Variants in NTM observed in about 807,000 individuals in gnomAD.
NTM encodes IgLON family member 2.
Under a neutral mutation model 42.1 loss-of-function variants are expected in NTM, and 13 were observed. The ratio of observed to expected loss-of-function variants is 0.31; its 90% CI spans 0.20 to 0.49. The LOEUF (loss-of-function observed/expected upper bound fraction) is 0.49. Among genes scored for constraint, NTM ranks in the 20% least tolerant of loss-of-function variants. NTM has a pLI of 0.99. For missense variants in NTM, 373 were observed against 452.8 expected (o/e 0.82, Z 1.60); for synonymous variants, 187 against 179.2 (o/e 1.04, Z -0.35).
At chr11:132,297,018 C>G (rs2094636528) in intron 4 of NTM, among the ~76,000 whole-genome samples, 1 of 152,180 alleles carries the variant, frequency 6.6e-6, no homozygotes, top group Non-Finnish European at 1.5e-5. Context: ...AGTCATGTCT[C>G]CCTTTCTCCT....
intron 1 of NTM, among the ~76,000 whole-genome samples, chr11:131,543,789 T>C (rs1451572107): frequency 6.6e-6 from 1 of 152,138 alleles, no homozygotes; most frequent in East Asian, 1.9e-4. Context: ...GGTAAACGAG[T>C]CCCAGTCTAG....
intron 1 of NTM, among the ~76,000 whole-genome samples, chr11:131,615,695 C>T (rs1452016466): frequency 6.6e-6 from 1 of 152,170 alleles, no homozygotes; most frequent in Non-Finnish European, 1.5e-5. Flanking sequence ...TGAACAGGGG[C>T]CTCTGTTGTG....
At chr11:132,159,466 C>A (rs574606901) in intron 3 of NTM, among the ~76,000 whole-genome samples, 2 of 152,136 alleles carry the variant, frequency 1.3e-5, no homozygotes. Context: ...CTGGGAATAT[C>A]GCCTTTGGAT....
chr11:131,396,331 C>T (rs1944549182), intron 1 of NTM, among the ~76,000 whole-genome samples: 1 of 152,100 alleles, frequency 6.6e-6, no homozygotes. Context: ...GATCTCAGTG[C>T]CAGGCGTAGT....
rs558832591 is a variant in NTM, at chr11:131,621,194, C to T, written c.82+250306C>T. 5.9e-5 allele frequency among the ~76,000 whole-genome samples: 9 copies of T among 152,312 alleles called. No individual in the cohort carries two copies. In the South Asian group the frequency reaches 1.0e-3, roughly 18 times the overall value. On this transcript the variant is annotated intron_variant, in intron 1 of 8. Transcript: ENST00000683400. ...AAATGGTGGCCCAGGTATTAATTTACGTCTGTGTATTCACTGGCCAGAGTC... is the reference window on the plus strand; with the variant it reads ...AAATGGTGGCCCAGGTATTAATTTATGTCTGTGTATTCACTGGCCAGAGTC...
At chr11:131,530,271 G>C (rs1277688268) in intron 1 of NTM, among the ~76,000 whole-genome samples, 2 of 152,078 alleles carry the variant, frequency 1.3e-5, no homozygotes, top group Non-Finnish European at 2.9e-5. Context: ...AGGAAGGTTT[G>C]AGATATACCT....
At chr11:131,548,743 C>T (rs1592014955) in intron 1 of NTM, among the ~76,000 whole-genome samples, 1 of 152,088 alleles carries the variant, frequency 6.6e-6, no homozygotes, top group Non-Finnish European at 1.5e-5. Context: ...CTCCAGGTCT[C>T]TTAGTATATC....
At chr11:132,092,614 A>G (rs2060503407) in intron 2 of NTM, among the ~76,000 whole-genome samples, 1 of 152,182 alleles carries the variant, frequency 6.6e-6, no homozygotes, top group African/African-American at 2.4e-5. Flanking sequence ...CCAAGGTTCC[A>G]GTGCCAGCTA....
At chr11:131,933,336 G>A (rs1035530896) in intron 2 of NTM, among the ~76,000 whole-genome samples, 1 of 152,276 alleles carries the variant, frequency 6.6e-6, no homozygotes. Flanking sequence ...GCACTTGGCC[G>A]GTTTGTAAGG....
Position 132,002,285 on chromosome 11 carries a change from G to A in NTM, c.167+90637G>A, listed in dbSNP as rs1239483535. 1.3e-5 allele frequency among the ~76,000 whole-genome samples: 2 copies of A among 152,194 alleles called. No homozygotes were observed. The highest frequency in any genetic ancestry group is 1.9e-4 in the East Asian group (1 of 5,194). On this transcript the variant is annotated intron_variant, in intron 2 of 8. Transcript: ENST00000683400. This position sits in a 1 kb window ranked among gnomAD's most constrained non-coding sequence, Gnocchi z 4.5. The stretch of plus-strand genomic sequence containing the variant: ...TTTGTGGCAGCTTTACTGTACAAAA[G>A]CGATGAAATTTAATAATTATTTAGT...
intron 2 of NTM, among the ~76,000 whole-genome samples, chr11:132,055,670 TGA>T (rs1393943471): frequency 2.7e-4 from 27 of 101,650 alleles, no homozygotes; most frequent in African/African-American, 1.0e-3. Flanking sequence ...AGAGCGAGAG[TGA>T]GAGAGAGAGA....
chr11:131,611,550 A>T (rs955053608), intron 1 of NTM, among the ~76,000 whole-genome samples: 7 of 152,244 alleles, frequency 4.6e-5, no homozygotes, highest in African/African-American at 1.7e-4. Flanking sequence ...ACTTACATAA[A>T]GAAGGAGGAA....
chr11:131,595,035 A>G (rs114733649), intron 1 of NTM, among the ~76,000 whole-genome samples: 2,063 of 152,360 alleles, frequency 0.014, 50 homozygotes, highest in African/African-American at 0.047. Context: ...TAATGTATGC[A>G]GAATGCTTAG....
At chr11:131,546,623 G>A (rs1236568223) in intron 1 of NTM, 1 of 152,230 alleles carries the variant, frequency 6.6e-6, no homozygotes, top group Non-Finnish European at 1.5e-5. Flanking sequence ...ACTTCACCTT[G>A]TTCCCGAGCA....
chr11:131,545,378 T>C (rs2053793185), intron 1 of NTM, among the ~76,000 whole-genome samples: 1 of 152,188 alleles, frequency 6.6e-6, no homozygotes, highest in African/African-American at 2.4e-5. Flanking sequence ...TTTTTTTCTC[T>C]CAGCTTTCTC....
At chr11:131,946,444 A>T (rs1780952488) in intron 2 of NTM, among the ~76,000 whole-genome samples, 2 of 152,224 alleles carry the variant, frequency 1.3e-5, no homozygotes, top group Admixed American at 1.3e-4. Flanking sequence ...CGCTCTCAAA[A>T]TAAAAAGAAA....
intron 6 of NTM, among the ~76,000 whole-genome samples, chr11:132,311,367 G>GACAC (rs2095275101): frequency 6.6e-6 from 1 of 152,016 alleles, no homozygotes; most frequent in Non-Finnish European, 1.5e-5. Context: ...AATTTTTAAG[G>GACAC]ACACATTCTG....
chr11:131,831,340 T>G (rs77204991), intron 1 of NTM, among the ~76,000 whole-genome samples: 241 of 152,320 alleles, frequency 1.6e-3, no homozygotes, highest in African/African-American at 5.5e-3. Flanking sequence ...CTGATGCATG[T>G]TGAAGTCCCA....
chr11:131,696,146 A>G (rs925009377), intron 1 of NTM, among the ~76,000 whole-genome samples: 8 of 152,152 alleles, frequency 5.3e-5, no homozygotes, highest in African/African-American at 1.9e-4. Flanking sequence ...GGACAAAAAG[A>G]GCTAACAGCC....
Sources: allele counts gnomAD v4.1 joint callset (sites outside exome capture counted in the v4.1 genomes callset), GRCh38; gene constraint gnomAD v4.1.1; non-coding constraint Gnocchi (gnomAD v3.1); transcripts MANE v1.5; gene names NCBI Gene and HGNC (gene_info 2026-07-23, HGNC 2026-07-21).